DNAJC6: variants seen among roughly 807,000 people sequenced by gnomAD.
DNAJC6 encodes auxilin.
DNAJC6 carries 34 observed loss-of-function variants against 110.0 expected under a neutral mutation model. The ratio of observed to expected loss-of-function variants is 0.31; its 90% CI spans 0.24 to 0.41. The LOEUF is 0.41. Among genes scored for constraint, DNAJC6 ranks in the 10% least tolerant of loss-of-function variants. The probability of loss-of-function intolerance (pLI) is 1.00; values close to 1 mark genes in which losing one functional copy is unlikely to be tolerated. For synonymous variants in DNAJC6, 406 were observed against 437.2 expected (o/e 0.93, Z 0.89); for missense variants, 1,031 against 1,207.8 (o/e 0.85, Z 2.17).
At chr1:65,394,708 A>G (rs1468675359) in intron 12 of DNAJC6, among the ~76,000 whole-genome samples, 190 bp from the exon 13 acceptor site, 1 of 152,214 alleles carries the variant, frequency 6.6e-6, no homozygotes, top group East Asian at 1.9e-4. Context: ...ACTGCTGGGC[A>G]GATTAGCCTT....
intron 1 of DNAJC6, among the ~76,000 whole-genome samples, chr1:65,276,477 C>G (rs1052859277): frequency 6.6e-6 from 1 of 152,166 alleles, no homozygotes; most frequent in Non-Finnish European, 1.5e-5. Flanking sequence ...ATCAGGCACT[C>G]AGTCTAATTA....
intron 1 of DNAJC6, among the ~76,000 whole-genome samples, chr1:65,344,894 G>A (rs1005267280): frequency 1.3e-5 from 2 of 152,086 alleles, no homozygotes; most frequent in Non-Finnish European, 2.9e-5. Flanking sequence ...TTTCCCAGAT[G>A]CCTGATCTGT....
Position 65,392,806 on chromosome 1 carries a change from C to T in DNAJC6, c.1844C>T (p.Ser615Leu). 1 of 1,581,244 alleles carries T rather than the reference C, an allele frequency of 6.3e-7. No individual in the cohort carries two copies. The highest frequency in any genetic ancestry group is 8.6e-7 in the Non-Finnish European group (1 of 1,165,630). ...CCTAGTGGACCTGCGTCTACCCAGT[C>T]AACACCACGCCGCTCTGCCACCTCC... ...FHPSGPASTQ[S>L]TPRRSATSTS... The change falls in exon 12 of 19, where the codon TCA becomes TTA. Residue 615 changes from serine (S) to leucine (L), a missense_variant. By Grantham distance (145) the Ser-to-Leu change is moderately radical. Coordinates refer to ENST00000371069, the MANE Select transcript of DNAJC6 (RefSeq NM_001256864.2).
chr1:65,335,380 C>T (rs1170102521), intron 1 of DNAJC6, among the ~76,000 whole-genome samples: 1 of 151,794 alleles, frequency 6.6e-6, no homozygotes, highest in East Asian at 1.9e-4. Flanking sequence ...TCCCAAAGTG[C>T]TGCGATTACA....
At chr1:65,301,737 A>G (rs76894610) in intron 1 of DNAJC6, among the ~76,000 whole-genome samples, 8,857 of 152,214 alleles carry the variant, frequency 0.058, 850 homozygotes, top group African/African-American at 0.2. Flanking sequence ...TGGGCCTTGT[A>G]TGAAGACTTC....
intron 1 of DNAJC6, among the ~76,000 whole-genome samples, chr1:65,342,881 G>T (rs1645402431): frequency 6.6e-6 from 1 of 152,192 alleles, no homozygotes; most frequent in African/African-American, 2.4e-5. Context: ...CCTGGTAAGT[G>T]TCATGCTGAA....
chr1:65,326,857 A>T (rs966899624), intron 1 of DNAJC6, among the ~76,000 whole-genome samples: 22 of 152,346 alleles, frequency 1.4e-4, no homozygotes, highest in Non-Finnish European at 2.4e-4. Context: ...GGAGGAAAGA[A>T]TCCAATTACA....
rs556480594 is a variant in DNAJC6, at chr1:65,324,887, T to C, written c.193+14949T>C. 4.6e-5 allele frequency among the ~76,000 whole-genome samples: 7 copies of C among 152,308 alleles called. No individual in the cohort carries two copies. In the South Asian group the frequency reaches 1.4e-3, roughly 32 times the overall value. On this transcript the variant is annotated intron_variant, in intron 1 of 18. Coordinates refer to ENST00000371069, the MANE Select transcript of DNAJC6 (RefSeq NM_001256864.2). ...AACAGCTCCTCACAACAAAGAACTTTCCTGCCCAAAATGTCAATAGTGCCG... is the reference window on the plus strand; with the variant it reads ...AACAGCTCCTCACAACAAAGAACTTCCCTGCCCAAAATGTCAATAGTGCCG...
At chr1:65,386,004 A>T (rs1645868536) in intron 7 of DNAJC6, 98 bp downstream of exon 7, 2 of 1,186,598 alleles carry the variant, frequency 1.7e-6, no homozygotes, top group African/African-American at 3.0e-5. Context: ...AGACTATATC[A>T]TTGTGAAATA....
chr1:65,376,772 A>T (rs1002217668), intron 4 of DNAJC6, among the ~76,000 whole-genome samples: 3 of 128,728 alleles, frequency 2.3e-5, no homozygotes, highest in Admixed American at 7.5e-5. Flanking sequence ...TATTTATTTT[A>T]TTTATTTATT....
chr1:65,293,197 A>C (rs1644897137), intron 1 of DNAJC6, among the ~76,000 whole-genome samples: 1 of 152,210 alleles, frequency 6.6e-6, no homozygotes. Flanking sequence ...GTCAAGATAA[A>C]GGTGCTGGCA....
At chr1:65,326,240 TG>T (rs1362206087) in intron 1 of DNAJC6, among the ~76,000 whole-genome samples, 2 of 152,024 alleles carry the variant, frequency 1.3e-5, no homozygotes, top group Non-Finnish European at 2.9e-5. Flanking sequence ...TCACTTTGAG[TG>T]AGGAAACTGA....
At position 65,264,844 on chromosome 1, in the gene DNAJC6, CAA is replaced by C. The variant is rs1261720146; in HGVS notation, c.-216_-215del. On this transcript the variant is annotated 5_prime_UTR_variant, in exon 1 of 20. Transcript: ENST00000263441. ...AGACCGCTGACTGTGAATGACAAATCAAAAGTCAGGGTTGCAGAATCAGCCGG... is the reference window on the plus strand; with the variant it reads ...AGACCGCTGACTGTGAATGACAAATCAAGTCAGGGTTGCAGAATCAGCCGG... 58 of 1,604,272 alleles carry C rather than the reference CAA, an allele frequency of 3.6e-5. No homozygotes were observed. The Admixed American group carries it at 5.3e-4, about 15-fold the overall frequency.
intron 1 of DNAJC6, among the ~76,000 whole-genome samples, chr1:65,316,487 C>G (rs556760180): frequency 1.3e-4 from 20 of 152,312 alleles, no homozygotes; most frequent in African/African-American, 4.8e-4. Context: ...CCTGTCTCTC[C>G]CTCTAGTCTG....
At chr1:65,271,827 C>A (rs1653515290) in intron 1 of DNAJC6, among the ~76,000 whole-genome samples, 1 of 150,092 alleles carries the variant, frequency 6.7e-6, no homozygotes, top group Non-Finnish European at 1.5e-5. Context: ...CAAGATCACA[C>A]CACTGTACAC....
intron 1 of DNAJC6, among the ~76,000 whole-genome samples, chr1:65,304,246 C>T (rs1260446211): frequency 6.6e-6 from 1 of 151,508 alleles, no homozygotes; most frequent in East Asian, 1.9e-4. Context: ...TCTGGAAGAC[C>T]CAGAACCCCA....
At chr1:65,401,682 CA>C in intron 14 of DNAJC6, 78 bp from the exon 15 acceptor site, 1 of 1,553,620 alleles carries the variant, frequency 6.4e-7, no homozygotes, top group Non-Finnish European at 8.7e-7. Context: ...GACAAATAAA[CA>C]GTAACTCTGG....
At chr1:65,277,028 T>C (rs1309848226) in intron 1 of DNAJC6, among the ~76,000 whole-genome samples, 2 of 152,210 alleles carry the variant, frequency 1.3e-5, no homozygotes, top group Non-Finnish European at 2.9e-5. Flanking sequence ...GTAGCTTTCC[T>C]ATTACTTCAC....
intron 1 of DNAJC6, among the ~76,000 whole-genome samples, chr1:65,302,294 A>C (rs1570245027): frequency 9.1e-6 from 1 of 110,396 alleles, no homozygotes; most frequent in African/African-American, 3.5e-5. Context: ...AATATATAAT[A>C]TATATAATAT....
Sources: gnomAD v4.1 joint callset for allele counts (sites outside exome capture counted in the v4.1 genomes callset) on GRCh38, gnomAD v4.1.1 for gene constraint, MANE v1.5 for transcripts, NCBI Gene and HGNC (gene_info 2026-07-23, HGNC 2026-07-21) for gene names.